Variants in RASGRF1 observed in about 807,000 individuals in gnomAD.
RASGRF1 encodes the protein ras-specific guanine nucleotide-releasing factor 1.
RASGRF1 carries 40 observed loss-of-function variants against 138.7 expected under a neutral mutation model. That is an observed-to-expected ratio of 0.29 (90% CI 0.22 to 0.38). The LOEUF (loss-of-function observed/expected upper bound fraction) is 0.38. Among genes scored for constraint, RASGRF1 ranks in the 10% least tolerant of loss-of-function variants. The probability of loss-of-function intolerance (pLI) is 1.00; values close to 1 mark genes in which losing one functional copy is unlikely to be tolerated. For synonymous variants in RASGRF1, 614 were observed against 663.2 expected, an observed-to-expected ratio of 0.93 and a Z score of 1.14; for missense variants, 1,108 against 1,650.4, an observed-to-expected ratio of 0.67 and a Z score of 5.69.
intron 11 of RASGRF1, 57 bp from the exon 12 acceptor site, chr15:79,017,963 A>C: frequency 6.2e-7 from 1 of 1,600,284 alleles, no homozygotes; most frequent in South Asian, 1.1e-5. Flanking sequence ...TTTCAGGTGG[A>C]AAATGTTTTA....
At position 78,971,939 on chromosome 15, in the gene RASGRF1, GGGAA is replaced by G. The variant is rs1355607291; in HGVS notation, c.3613-9_3613-6del. 1 of 1,573,382 alleles carries G rather than the reference GGGAA, an allele frequency of 6.4e-7. No individual in the cohort carries two copies. Reference sequence around the variant, plus strand: ...CTCTCGGATAATATGGGATATCTGTGGGAAGGAAGGAGTGTTTCAGAATGCAGTT... The same window carrying G: ...CTCTCGGATAATATGGGATATCTGTGGGAAGGAGTGTTTCAGAATGCAGTT... On this transcript the variant is annotated splice_region_variant and splice_polypyrimidine_tract_variant and intron_variant, in intron 25 of 26. Coordinates refer to ENST00000558480, the MANE Select transcript of RASGRF1 (RefSeq NM_001145648.3).
rs757250815 is a variant in RASGRF1, at chr15:79,035,168, C to T, written c.921G>A (p.Leu307=). 3.1e-6 allele frequency: 5 copies of T among 1,613,764 alleles called. No individual in the cohort carries two copies. The highest frequency in any genetic ancestry group is 3.3e-4 in the Middle Eastern group (2 of 6,084). The change falls in exon 6 of 27, where the codon CTG becomes CTA. Residue 307 remains leucine, a synonymous_variant. Transcript: ENST00000558480. The part of the protein sequence containing the change: ...MFLHQIFYQG[L]KARISSWPTL... ...TGGGCCAGCTGGAGATGCGGGCCTT[C>T]AGGCCTTGGTAAAAGATCTGATGTA...
At chr15:78,999,996 G>C (rs531344727) in intron 16 of RASGRF1, 83 bp from the exon 17 acceptor site, 18 of 1,470,830 alleles carry the variant, frequency 1.2e-5, no homozygotes, top group Admixed American at 1.8e-5. Flanking sequence ...CCCGAGGCTA[G>C]AGCAGCCTTA....
intron 1 of RASGRF1, among the ~76,000 whole-genome samples, chr15:79,069,109 C>A (rs1027673455): frequency 6.6e-6 from 1 of 152,184 alleles, no homozygotes; most frequent in African/African-American, 2.4e-5. Context: ...TGGTCTTGGA[C>A]TGCTCAGGGC....
chr15:79,058,201 A>G, intron 3 of RASGRF1, 133 bp downstream of exon 3: 2 of 1,343,240 alleles, frequency 1.5e-6, no homozygotes, highest in Non-Finnish European at 2.0e-6. Context: ...ACCACGTCCT[A>G]AGTTTGGAGT....
At chr15:78,991,892 T>G in intron 20 of RASGRF1, 98 bp from the exon 21 acceptor site, 28 of 875,590 alleles carry the variant, frequency 3.2e-5, no homozygotes, top group East Asian at 1.1e-4. Flanking sequence ...GCCCTCGAAT[T>G]GGGTGGGCGG....
intron 18 of RASGRF1, 40 bp from the exon 19 acceptor site, chr15:78,998,248 TTGAGCTGCTCTGCAG>T (rs2056439147): frequency 6.5e-7 from 1 of 1,535,966 alleles, no homozygotes; most frequent in South Asian, 1.1e-5. Context: ...GTTACTGTTT[TTGAGCTGCTCTGCAG>T]TGGTCTGGGC....
Position 79,032,028 on chromosome 15 carries a change from C to T in RASGRF1, c.1152+95G>A. 7.1e-7 allele frequency: 1 copy of T among 1,408,026 alleles called. No homozygotes were observed. Among genetic ancestry groups the T allele is most frequent in the Admixed American group, 2.2e-5 (1 of 45,520 alleles). 87.2% of individuals were successfully genotyped at this position (1,408,026 alleles called of 1,614,324 possible). ...CCCCGCCCCCTTTGGCAGCCCAGAG[C>T]TGGGGTGCGTTAAGCACTGTGCCCC... is the stretch of plus-strand genomic sequence containing the variant. On this transcript the variant is annotated intron_variant, in intron 7 of 26. Coordinates refer to ENST00000558480, the MANE Select transcript of RASGRF1 (RefSeq NM_001145648.3). The surrounding 1 kb of genome is among the most constrained non-coding windows in gnomAD (Gnocchi z 4.5).
chr15:78,998,582 T>C lies in RASGRF1; in HGVS notation c.2853+137A>G, dbSNP rs1006728450. The C allele has an allele frequency of 1.6e-5, 12 of 730,262 alleles. No individual in the cohort carries two copies. The African/African-American group carries it at 1.9e-4, about 12-fold the overall frequency. The allele number at this position is 730,262 out of a possible 1,614,324, so 45.2% of individuals were successfully genotyped here. On this transcript the variant is annotated intron_variant, in intron 18 of 26. Coordinates refer to ENST00000558480, the MANE Select transcript of RASGRF1 (RefSeq NM_001145648.3). Reference sequence around the variant, plus strand: ...CTCCGGGAACATCAGGGTGGCACATTTGAGCTCCCTCCCTTCTGCTGCCCC... The same window carrying C: ...CTCCGGGAACATCAGGGTGGCACATCTGAGCTCCCTCCCTTCTGCTGCCCC...
chr15:79,058,393 T>C lies in RASGRF1; in HGVS notation c.472A>G (p.Lys158Glu), dbSNP rs758232301. 9.9e-6 allele frequency: 16 copies of C among 1,614,170 alleles called. 1 individual carries two copies. Among genetic ancestry groups the C allele is most frequent in the Non-Finnish European group, 1.4e-5 (16 of 1,180,032 alleles). Residue 158 changes from lysine (K) to glutamate (E), a missense_variant, in exon 3 of 27, where the codon AAG (lysine) becomes GAG (glutamate). This residue lies in a region of RASGRF1 where 253 missense variants were observed against 329.5 expected (regional missense o/e 0.77). Coordinates refer to ENST00000558480, the MANE Select transcript of RASGRF1 (RefSeq NM_001145648.3). ...TCCTCGATCTGCTGCCGAAGCTGCT[T>C]GGCCACGGTCTTCTCTGTCTCCACG... ...QIVETEKTVA[K>E]QLRQQIEDGE...
intron 1 of RASGRF1, among the ~76,000 whole-genome samples, chr15:79,066,051 A>C (rs184392076): frequency 1.4e-4 from 21 of 152,120 alleles, no homozygotes; most frequent in South Asian, 2.1e-4. Context: ...TACAGCCTCA[A>C]ATAACTGAAT....
intron 1 of RASGRF1, among the ~76,000 whole-genome samples, chr15:79,071,669 C>T (rs1445353118): frequency 6.6e-6 from 1 of 151,982 alleles, no homozygotes; most frequent in African/African-American, 2.4e-5. Flanking sequence ...TGTGCCTGGC[C>T]CTCTGCAGCT....
At chr15:79,072,926 G>A (rs1463633846) in intron 1 of RASGRF1, among the ~76,000 whole-genome samples, 1 of 152,182 alleles carries the variant, frequency 6.6e-6, no homozygotes, top group Non-Finnish European at 1.5e-5. Flanking sequence ...GAGCCTCAGT[G>A]TGACCACAGG....
intron 26 of RASGRF1, among the ~76,000 whole-genome samples, chr15:78,963,103 C>T (rs2055578971): frequency 6.6e-6 from 1 of 152,010 alleles, no homozygotes; most frequent in African/African-American, 2.4e-5. Context: ...GTCTTCTCCT[C>T]TCTCCCCACC....
intron 10 of RASGRF1, among the ~76,000 whole-genome samples, chr15:79,020,829 A>G (rs539702455): frequency 9.2e-5 from 14 of 152,352 alleles, no homozygotes; most frequent in African/African-American, 3.1e-4. Flanking sequence ...TTCAAAAGGC[A>G]AAGCCTAATT....
At position 78,978,536 on chromosome 15, in the gene RASGRF1, T is replaced by C. The variant is rs566245801; in HGVS notation, c.3494+2084A>G. On this transcript the variant is annotated intron_variant, in intron 24 of 26. Coordinates refer to ENST00000558480, the MANE Select transcript of RASGRF1 (RefSeq NM_001145648.3). ...CACTGTGCCTAGCCCGAATTGGATA[T>C]CTTAATGAAAAGCTAAAAAAAGATG... The C allele has an allele frequency of 6.7e-4, 663 of 986,474 alleles. 1 individual carries two copies. Among genetic ancestry groups the C allele is most frequent in the Middle Eastern group, 4.2e-3 (8 of 1,920 alleles). The allele number at this position is 986,474 out of a possible 1,614,324, so 61.1% of individuals were successfully genotyped here.
At chr15:78,999,939 C>T (rs1428845302) in intron 16 of RASGRF1, 26 bp from the exon 17 acceptor site, 1 of 1,606,176 alleles carries the variant, frequency 6.2e-7, no homozygotes, top group Admixed American at 1.7e-5. Context: ...AACCAACCCT[C>T]AGCTGTCCCC....
chr15:79,032,175 G>C lies in RASGRF1; in HGVS notation c.1100C>G (p.Pro367Arg). ...DKLLKHYEAK[P>R]DCEERTLETF... is the part of the protein sequence containing the mutation. ...CTCCAGCGTCCTCTCCTCGCAGTCA[G>C]GCTTGGCCTCGTAGTGCTTCAGCAG... Residue 367 changes from proline to arginine, a missense_variant, in exon 7 of 27, where the codon CCT (proline) becomes CGT (arginine). Pro to Arg is a moderately radical substitution (Grantham distance 103). Transcript: ENST00000558480. The surrounding 1 kb of genome is among the most constrained non-coding windows in gnomAD (Gnocchi z 4.5). 1.9e-6 allele frequency: 3 copies of C among 1,614,086 alleles called. No homozygotes were observed. Among genetic ancestry groups the C allele is most frequent in the Non-Finnish European group, 2.5e-6 (3 of 1,179,978 alleles).
chr15:78,983,275 G>A (rs2056076144), intron 23 of RASGRF1, among the ~76,000 whole-genome samples: 1 of 152,340 alleles, frequency 6.6e-6, no homozygotes, highest in East Asian at 1.9e-4. Flanking sequence ...ACTGCATAGA[G>A]GGTGGAGATC....
Sources: gnomAD v4.1 joint callset for allele counts (sites outside exome capture counted in the v4.1 genomes callset) on GRCh38, gnomAD v4.1.1 for gene constraint, gnomAD v4.1.1 regional missense constraint, Gnocchi (gnomAD v3.1) non-coding constraint, MANE v1.5 for transcripts, NCBI Gene and HGNC (gene_info 2026-07-23, HGNC 2026-07-21) for gene names.